Variants in ZBTB14 observed in about 807,000 individuals in gnomAD.
ZBTB14 encodes the protein zinc finger and BTB domain containing 14, also known as zinc finger and BTB domain-containing protein 14.
ZBTB14 carries 8 observed loss-of-function variants against 29.5 expected under a neutral mutation model. That is an observed-to-expected ratio of 0.27 (90% CI 0.16 to 0.49). The LOEUF (loss-of-function observed/expected upper bound fraction) is 0.49. ZBTB14 is among the 20% of genes least tolerant of loss of function. ZBTB14 has a pLI of 0.99. For synonymous variants in ZBTB14, 226 were observed against 207.2 expected, an observed-to-expected ratio of 1.09 and a Z score of -0.78; for missense variants, 333 against 563.8, an observed-to-expected ratio of 0.59 and a Z score of 4.15.
intron 3 of ZBTB14, among the ~76,000 whole-genome samples, chr18:5,292,668 C>T (rs1020563136): frequency 6.6e-6 from 1 of 152,196 alleles, no homozygotes. Context: ...TTCAAGGGAA[C>T]AATCCTCTAG....
Position 5,292,148 on chromosome 18 carries a change from A to T in ZBTB14, c.60T>A (p.Thr20=). ...TIKYNDDDHK[T]LFLKTLNEQR... is the part of the protein sequence containing the mutation. ...GTTCATTTAGTGTTTTCAGAAACAG[A>T]GTTTTATGATCATCGTCATTATATT... Residue 20 remains threonine, a synonymous_variant, in exon 4 of 4, where the codon ACT becomes ACA. Transcript: ENST00000651870. The T allele has an allele frequency of 1.3e-6, 2 of 1,594,584 alleles. No individual in the cohort carries two copies. The highest frequency in any genetic ancestry group is 1.7e-6 in the Non-Finnish European group (2 of 1,178,308).
chr18:5,291,539 C>A lies in ZBTB14; in HGVS notation c.669G>T (p.Met223Ile). 1 of 1,614,096 alleles carries A rather than the reference C, an allele frequency of 6.2e-7. No homozygotes were observed. Among genetic ancestry groups the A allele is most frequent in the Non-Finnish European group, 8.5e-7 (1 of 1,180,028 alleles). Residue 223 changes from methionine to isoleucine, a missense_variant, in exon 4 of 4, where the codon ATG becomes ATT. By Grantham distance (10) the Met-to-Ile change is conservative. Coordinates refer to ENST00000651870, the MANE Select transcript of ZBTB14 (RefSeq NM_001243702.2). This position sits in a 1 kb window ranked among gnomAD's most constrained non-coding sequence, Gnocchi z 5.8. ...VNCYGQEVESMETPESKDLGS... is the reference protein window; with the variant it reads ...VNCYGQEVESIETPESKDLGS... ...CCAAGTCTTTTGATTCTGGGGTCTC[C>A]ATGGATTCTACTTCCTGGCCGTAGC...
At chr18:5,296,550 G>C (rs1010752430), upstream of ZBTB14, among the ~76,000 whole-genome samples, 2 of 151,780 alleles carry the variant, frequency 1.3e-5, no homozygotes, top group African/African-American at 4.8e-5. Context: ...GGCCACTTTC[G>C]CCCTCCGCGC....
At chr18:5,293,071 A>G (rs1457449120) in intron 3 of ZBTB14, among the ~76,000 whole-genome samples, 173 bp downstream of exon 3, 1 of 152,240 alleles carries the variant, frequency 6.6e-6, no homozygotes, top group Non-Finnish European at 1.5e-5. Flanking sequence ...AAAACTGGTC[A>G]TCTTAAAGCA....
chr18:5,294,975 G>A (rs565244547), intron 1 of ZBTB14, among the ~76,000 whole-genome samples: 189 of 152,222 alleles, frequency 1.2e-3, no homozygotes, highest in African/African-American at 3.8e-3. Context: ...GGGCCTGGGA[G>A]GTGGGGAGTG....
upstream of ZBTB14, among the ~76,000 whole-genome samples, chr18:5,296,738 T>C (rs1283095529): frequency 2.0e-5 from 3 of 151,646 alleles, no homozygotes; most frequent in Admixed American, 1.3e-4. Context: ...CAGAAAGGGA[T>C]CACCCATAGG....
rs34214240 is a variant in ZBTB14 at position 5,290,596 on chromosome 18, T to TAAA, written c.*259_*261dup. The TAAA allele has an allele frequency of 3.1e-4, 104 of 340,866 alleles. No individual in the cohort carries two copies. The highest frequency in any genetic ancestry group is 2.5e-3 in the Middle Eastern group (3 of 1,224). The allele number at this position is 340,866 out of a possible 1,614,324, so 21.1% of individuals were successfully genotyped here. On this transcript the variant is annotated 3_prime_UTR_variant, in exon 4 of 4. Coordinates refer to ENST00000651870, the MANE Select transcript of ZBTB14 (RefSeq NM_001243702.2). ...CACAGGAGTTCTCAAATTAAAATAA[T>TAAA]AAAAAAAAAAAAGGGAGAGAGGTGC...
intron 3 of ZBTB14, among the ~76,000 whole-genome samples, chr18:5,292,671 T>G (rs1055472643): frequency 2.6e-5 from 4 of 152,346 alleles, no homozygotes; most frequent in African/African-American, 9.6e-5. Flanking sequence ...AAGGGAACAA[T>G]CCTCTAGTCC....
chr18:5,296,274 GAGA>G (rs554308136), upstream of ZBTB14: 6,324 of 150,508 alleles, frequency 0.042, 161 homozygotes, highest in Middle Eastern at 0.097. Flanking sequence ...CCGCGCGCGG[GAGA>G]AGGAGTGGGC....
At chr18:5,294,248 T>C (rs2071887236) in intron 1 of ZBTB14, among the ~76,000 whole-genome samples, 1 of 152,224 alleles carries the variant, frequency 6.6e-6, no homozygotes, top group Non-Finnish European at 1.5e-5. Flanking sequence ...TTCCAAAAGA[T>C]GATTCTGACT....
chr18:5,290,610 G>A lies in ZBTB14; in HGVS notation c.*248C>T, dbSNP rs2071789559. ...AATTAAAATAATAAAAAAAAAAAAGGGAGAGAGGTGCTTACTGGGCAACAT... is the reference window on the plus strand; with the variant it reads ...AATTAAAATAATAAAAAAAAAAAAGAGAGAGAGGTGCTTACTGGGCAACAT... On this transcript the variant is annotated 3_prime_UTR_variant, in exon 4 of 4. Coordinates refer to ENST00000651870, the MANE Select transcript of ZBTB14 (RefSeq NM_001243702.2). The A allele has an allele frequency of 5.9e-6, 2 of 340,038 alleles. No homozygotes were observed. The highest frequency in any genetic ancestry group is 5.9e-5 in the African/African-American group (1 of 17,078). 21.1% of individuals were successfully genotyped at this position (340,038 alleles called of 1,614,324 possible).
intron 3 of ZBTB14, among the ~76,000 whole-genome samples, chr18:5,293,025 T>C (rs746645960): frequency 1.4e-4 from 21 of 152,208 alleles, no homozygotes; most frequent in Non-Finnish European, 2.5e-4. Context: ...AGCAAAAATT[T>C]GGAACTGGCA....
intron 1 of ZBTB14, among the ~76,000 whole-genome samples, chr18:5,295,279 CCGCGGCCGGGGGCGGGGGCGGCG>C (rs1208966068): frequency 1.4e-5 from 2 of 145,038 alleles, no homozygotes; most frequent in South Asian, 2.1e-4. Flanking sequence ...CCCCGCCCTC[CCGCGGCCGGGGGCGGGGGCGGCG>C]CGCGGCCGGC....
rs758515133 is a variant in ZBTB14, at chr18:5,292,240, G to C, written c.4-36C>G. 88 of 1,422,294 alleles carry C rather than the reference G, an allele frequency of 6.2e-5. 1 individual carries two copies. Among genetic ancestry groups the C allele is most frequent in the Non-Finnish European group, 8.1e-5 (88 of 1,080,756 alleles). The allele number at this position is 1,422,294 out of a possible 1,614,324, so 88.1% of individuals were successfully genotyped here. A position where few individuals can be genotyped will look rare whatever the true frequency, so the allele number is the denominator to read the frequency against. On this transcript the variant is annotated intron_variant, in intron 3 of 3. Transcript: ENST00000651870. ...AAAAAAAGTTTAGTAATTATAAATAGTACTTTTCCATATAGAGAACACAGT... is the reference window on the plus strand; with the variant it reads ...AAAAAAAGTTTAGTAATTATAAATACTACTTTTCCATATAGAGAACACAGT...
chr18:5,293,293 AGATCAGAGTAACTCT>A lies in ZBTB14; in HGVS notation c.-62_-48del. 2 of 1,610,780 alleles carry A rather than the reference AGATCAGAGTAACTCT, an allele frequency of 1.2e-6. No individual in the cohort carries two copies. Among genetic ancestry groups the A allele is most frequent in the Non-Finnish European group, 1.7e-6 (2 of 1,177,848 alleles). On this transcript the variant is annotated 5_prime_UTR_variant, in exon 3 of 4. Coordinates refer to ENST00000651870, the MANE Select transcript of ZBTB14 (RefSeq NM_001243702.2). ...TAATGCCTTGAACGCCAAAATCTTCAGATCAGAGTAACTCTGATCAGGAGCACGCCAGACCTACAG... is the reference window on the plus strand; with the variant it reads ...TAATGCCTTGAACGCCAAAATCTTCAGATCAGGAGCACGCCAGACCTACAG...
rs1221806560 is a variant in ZBTB14 at position 5,290,976 on chromosome 18, A to G, written c.1232T>C (p.Met411Thr). Reference protein sequence around the residue: ...ASDLKRHENNMHSERKQVTPS... With the variant: ...ASDLKRHENNTHSERKQVTPS... ...GGTAACCTGCTTCCTTTCACTGTGC[A>G]TATTGTTCTCGTGCCTTTTCAGATC... Residue 411 changes from methionine to threonine, a missense_variant, in exon 4 of 4, where the codon ATG becomes ACG. By Grantham distance (81) the Met-to-Thr change is moderately conservative. Transcript: ENST00000651870. The G allele has an allele frequency of 6.2e-7, 1 of 1,614,256 alleles. No homozygotes were observed. Among genetic ancestry groups the G allele is most frequent in the East Asian group, 2.2e-5 (1 of 44,892 alleles).
In ZBTB14 at chr18:5,290,618, G is replaced by A; in HGVS notation, c.*240C>T. 1 of 333,166 alleles carries A rather than the reference G, an allele frequency of 3.0e-6. No individual in the cohort carries two copies. The highest frequency in any genetic ancestry group is 4.7e-6 in the Non-Finnish European group (1 of 214,594). 20.6% of individuals were successfully genotyped at this position (333,166 alleles called of 1,614,324 possible). A position where few individuals can be genotyped will look rare whatever the true frequency, so the allele number is the denominator to read the frequency against. ...TAATAAAAAAAAAAAAGGGAGAGAG[G>A]TGCTTACTGGGCAACATTAATACTA... On this transcript the variant is annotated 3_prime_UTR_variant, in exon 4 of 4. Transcript: ENST00000651870.
rs1402796430 is a variant in ZBTB14, at chr18:5,295,331, C to T, written c.-112+321G>A. On this transcript the variant is annotated intron_variant, in intron 1 of 3. Coordinates refer to ENST00000651870, the MANE Select transcript of ZBTB14 (RefSeq NM_001243702.2). ...GGCCGGCTAACCCAAGCTCCGCGGG[C>T]GCACCCGGGAGTGCGTGCGCTGGGT... 2.1e-5 allele frequency among the ~76,000 whole-genome samples: 3 copies of T among 144,354 alleles called. No individual in the cohort carries two copies. The South Asian group carries it at 6.3e-4, about 31-fold the overall frequency. The allele number at this position is 144,354 out of a possible 152,430, so 94.7% of individuals were successfully genotyped here.
chr18:5,290,957 C>T lies in ZBTB14; in HGVS notation c.1251G>A (p.Gln417=). 2 of 1,614,290 alleles carry T rather than the reference C, an allele frequency of 1.2e-6. No individual in the cohort carries two copies. Among genetic ancestry groups the T allele is most frequent in the Non-Finnish European group, 1.7e-6 (2 of 1,180,060 alleles). Residue 417 remains glutamine, a synonymous_variant, in exon 4 of 4, where the codon CAG becomes CAA. Transcript: ENST00000651870. ...HENNMHSERK[Q]VTPSAIQSET... is the part of the protein sequence containing the mutation. ...CGCTCTGGATGGCACTGGGGGTAAC[C>T]TGCTTCCTTTCACTGTGCATATTGT...
Sources: gnomAD v4.1 joint callset for allele counts (sites outside exome capture counted in the v4.1 genomes callset) on GRCh38, gnomAD v4.1.1 for gene constraint, Gnocchi (gnomAD v3.1) non-coding constraint, MANE v1.5 for transcripts, NCBI Gene and HGNC (gene_info 2026-07-23, HGNC 2026-07-21) for gene names.